Variants in ST6GALNAC3 observed in about 807,000 individuals in gnomAD.
ST6GALNAC3 encodes the protein alpha-N-acetylgalactosaminide alpha-2,6-sialyltransferase 3.
A neutral mutation model predicts 32.7 loss-of-function variants in ST6GALNAC3; 25 were observed. That is an observed-to-expected ratio of 0.76 (90% confidence interval 0.56 to 1.07). The LOEUF is 1.07. Ranked by LOEUF, ST6GALNAC3 falls within the 50% of genes least tolerant of loss-of-function variation. The probability of loss-of-function intolerance (pLI) is 0.00; values close to 1 mark genes in which losing one functional copy is unlikely to be tolerated. For missense variants in ST6GALNAC3, 355 were observed against 382.4 expected (o/e 0.93, Z 0.60); for synonymous variants, 129 against 133.1 (o/e 0.97, Z 0.21).
Position 76,629,476 on chromosome 1 carries a change from C to A in ST6GALNAC3, c.*670C>A, listed in dbSNP as rs1279234169. 3 of 985,378 alleles carry A rather than the reference C, an allele frequency of 3.0e-6. No individual in the cohort carries two copies. The African/African-American group carries it at 5.2e-5, about 17-fold the overall frequency. The allele number at this position is 985,378 out of a possible 1,614,324, so 61.0% of individuals were successfully genotyped here. A position where few individuals can be genotyped will look rare whatever the true frequency, so the allele number is the denominator to read the frequency against. ...AATCAAAATGGGCCAAGTAGCAAAT[C>A]TTGATGAATTTCCACTCTTACCATC... On this transcript the variant is annotated 3_prime_UTR_variant, in exon 5 of 5. Coordinates refer to ENST00000328299, the MANE Select transcript of ST6GALNAC3 (RefSeq NM_152996.4).
intron 2 of ST6GALNAC3, among the ~76,000 whole-genome samples, chr1:76,333,428 T>C (rs1647243083): frequency 6.6e-6 from 1 of 152,240 alleles, no homozygotes; most frequent in Admixed American, 6.5e-5. Context: ...GATGCTATCA[T>C]ATATGTTCTC....
At chr1:76,625,207 C>T (rs1282278703) in intron 3 of ST6GALNAC3, among the ~76,000 whole-genome samples, 1 of 151,968 alleles carries the variant, frequency 6.6e-6, no homozygotes, top group Non-Finnish European at 1.5e-5. Context: ...ATTGTTTTAA[C>T]ATGTGTGCCT....
At chr1:76,126,453 T>TTCCTTTGTTCCTTCCTTC (rs59791532) in intron 1 of ST6GALNAC3, among the ~76,000 whole-genome samples, 2 of 146,116 alleles carry the variant, frequency 1.4e-5, no homozygotes, top group African/African-American at 2.5e-5. Flanking sequence ...CCTTCCTTCC[T>TTCCTTTGTTCCTTCCTTC]CTCTCTCTGT....
chr1:76,088,484 C>T (rs1031726484), intron 1 of ST6GALNAC3, among the ~76,000 whole-genome samples: 1 of 152,194 alleles, frequency 6.6e-6, no homozygotes, highest in East Asian at 1.9e-4. Flanking sequence ...GGAAGGCCCA[C>T]TTAGGTCAAA....
intron 2 of ST6GALNAC3, among the ~76,000 whole-genome samples, chr1:76,327,532 A>G (rs1647100695): frequency 6.6e-6 from 1 of 152,180 alleles, no homozygotes; most frequent in Non-Finnish European, 1.5e-5. Context: ...TATGAAGGAT[A>G]ATCTGATTTA....
chr1:76,424,291 C>T (rs936901476), intron 3 of ST6GALNAC3, among the ~76,000 whole-genome samples: 6 of 151,882 alleles, frequency 4.0e-5, no homozygotes, highest in African/African-American at 1.4e-4. Context: ...GGAGAGAAGA[C>T]CCTTCCAAAA....
At chr1:76,602,373 T>C (rs1166782953) in intron 3 of ST6GALNAC3, among the ~76,000 whole-genome samples, 1 of 151,764 alleles carries the variant, frequency 6.6e-6, no homozygotes, top group African/African-American at 2.4e-5. Flanking sequence ...AAGAAGATCA[T>C]AAGTGAGTGT....
rs193152018 is a variant in ST6GALNAC3 at position 76,481,816 on chromosome 1, G to A, written c.623+69399G>A. 2.3e-4 allele frequency among the ~76,000 whole-genome samples: 35 copies of A among 152,258 alleles called. No homozygotes were observed. In the East Asian group the frequency reaches 6.2e-3, roughly 27 times the overall value. Reference sequence around the variant, plus strand: ...TTTTAATATCTAAGCATATGCAAAAGTTCTAGAAATATTTTACATGCAAAT... The same window carrying A: ...TTTTAATATCTAAGCATATGCAAAAATTCTAGAAATATTTTACATGCAAAT... On this transcript the variant is annotated intron_variant, in intron 3 of 4. Transcript: ENST00000328299.
intron 3 of ST6GALNAC3, among the ~76,000 whole-genome samples, chr1:76,510,753 A>C (rs1661805501): frequency 6.6e-6 from 1 of 152,188 alleles, no homozygotes; most frequent in African/African-American, 2.4e-5. Context: ...GGCTTACCGG[A>C]AACATGCTCA....
chr1:76,223,134 A>T (rs957283780), intron 1 of ST6GALNAC3, among the ~76,000 whole-genome samples: 13 of 152,186 alleles, frequency 8.5e-5, no homozygotes, highest in African/African-American at 2.4e-4. Flanking sequence ...AAGACATGGG[A>T]TCCACCTAAA....
intron 1 of ST6GALNAC3, among the ~76,000 whole-genome samples, chr1:76,278,206 C>CCACTTGATCTTAGCCAAA (rs1553172672): frequency 2.8e-5 from 4 of 141,850 alleles, no homozygotes; most frequent in African/African-American, 8.6e-5. Context: ...CATGTATTCT[C>CCACTTGATCTTAGCCAAA]ATTATTGCTA....
rs1221809053 is a variant in ST6GALNAC3, at chr1:76,629,577, G to C, written c.*771G>C. On this transcript the variant is annotated 3_prime_UTR_variant, in exon 5 of 5. Transcript: ENST00000328299. The stretch of plus-strand genomic sequence containing the variant: ...TTAATGTTTAGTTATTTTTGGTTGA[G>C]TGCTAAATATTTCAGAAGGCTACTT... The C allele has an allele frequency of 1.0e-6, 1 of 984,606 alleles. No homozygotes were observed. The highest frequency in any genetic ancestry group is 1.2e-6 in the Non-Finnish European group (1 of 829,042). The allele number at this position is 984,606 out of a possible 1,614,324, so 61.0% of individuals were successfully genotyped here. A position where few individuals can be genotyped will look rare whatever the true frequency, so the allele number is the denominator to read the frequency against.
intron 3 of ST6GALNAC3, among the ~76,000 whole-genome samples, chr1:76,486,914 A>G (rs2101677297): frequency 6.6e-6 from 1 of 152,220 alleles, no homozygotes; most frequent in South Asian, 2.1e-4. Flanking sequence ...CTTTTAGGGC[A>G]GGCCTGGTGG....
chr1:76,095,024 C>T (rs289677), intron 1 of ST6GALNAC3, among the ~76,000 whole-genome samples: 39,640 of 151,828 alleles, frequency 0.26, 6,186 homozygotes, highest in African/African-American at 0.43. Flanking sequence ...GTATGTATAC[C>T]TATTAGGTGA....
At chr1:76,485,639 A>G (rs1571381827) in intron 3 of ST6GALNAC3, among the ~76,000 whole-genome samples, 2 of 151,866 alleles carry the variant, frequency 1.3e-5, no homozygotes, top group East Asian at 1.9e-4. Context: ...CTTGCTAGTG[A>G]TCTATCAATT....
At chr1:76,247,774 C>T (rs1445318071) in intron 1 of ST6GALNAC3, among the ~76,000 whole-genome samples, 1 of 151,476 alleles carries the variant, frequency 6.6e-6, no homozygotes, top group Non-Finnish European at 1.5e-5. Flanking sequence ...GGAGTGGGAC[C>T]TGCTGAGTGA....
intron 1 of ST6GALNAC3, among the ~76,000 whole-genome samples, chr1:76,294,594 T>C (rs956942650): frequency 2.6e-5 from 4 of 152,096 alleles, no homozygotes; most frequent in Non-Finnish European, 5.9e-5. Context: ...TGTCAGTGTT[T>C]ATAGCGGGTT....
chr1:76,433,382 C>T (rs1484389382), intron 3 of ST6GALNAC3, among the ~76,000 whole-genome samples: 2 of 152,032 alleles, frequency 1.3e-5, no homozygotes, highest in African/African-American at 4.8e-5. Flanking sequence ...GCAATATGCT[C>T]TAAAGTCCAA....
intron 3 of ST6GALNAC3, among the ~76,000 whole-genome samples, chr1:76,506,625 A>G (rs954006688): frequency 2.0e-5 from 3 of 152,208 alleles, no homozygotes; most frequent in Non-Finnish European, 4.4e-5. Flanking sequence ...TCTTTCCAAG[A>G]CACATTTATA....
Sources: gnomAD v4.1 joint callset for allele counts (sites outside exome capture counted in the v4.1 genomes callset) on GRCh38, gnomAD v4.1.1 for gene constraint, MANE v1.5 for transcripts, NCBI Gene and HGNC (gene_info 2026-07-23, HGNC 2026-07-21) for gene names.